The following SMYD3 variants were observed in gnomAD, a reference collection of about 807,000 sequenced individuals.
The protein encoded by SMYD3 is SET and MYND domain containing 3, also known as histone-lysine N-methyltransferase SMYD3.
In SMYD3, 36 loss-of-function variants were observed where a neutral mutation model predicts 57.7. The ratio of observed to expected loss-of-function variants is 0.62; its 90% confidence interval spans 0.48 to 0.82. The LOEUF is 0.82. Ranked by LOEUF, SMYD3 falls within the 40% of genes least tolerant of loss-of-function variation. The pLI is 0.00. For synonymous variants in SMYD3, 211 were observed against 195.0 expected, an observed-to-expected ratio of 1.08 and a Z score of -0.68; for missense variants, 515 against 538.8, an observed-to-expected ratio of 0.96 and a Z score of 0.44.
At chr1:246,487,174 A>C (rs770572291) in intron 1 of SMYD3, among the ~76,000 whole-genome samples, 1 of 149,336 alleles carries the variant, frequency 6.7e-6, no homozygotes, top group Non-Finnish European at 1.5e-5. Context: ...ATGGTTGGGC[A>C]TGGTAGCTCA....
intron 5 of SMYD3, among the ~76,000 whole-genome samples, chr1:246,228,913 AC>A (rs1485507244): frequency 5.3e-5 from 8 of 152,136 alleles, no homozygotes; most frequent in African/African-American, 1.9e-4. Context: ...CTTTGGGATG[AC>A]AAAACTAAAA....
chr1:246,274,446 T>A (rs1167742135), intron 5 of SMYD3, among the ~76,000 whole-genome samples: 2 of 152,248 alleles, frequency 1.3e-5, no homozygotes, highest in African/African-American at 4.8e-5. Context: ...CAGTGTTTTA[T>A]CTGGGGCTCT....
intron 5 of SMYD3, among the ~76,000 whole-genome samples, chr1:246,030,994 C>T (rs1422532529): frequency 6.6e-6 from 1 of 152,094 alleles, no homozygotes; most frequent in African/African-American, 2.4e-5. Flanking sequence ...AGGGAGAGGA[C>T]AGGGCTGCTT....
At chr1:246,390,622 TA>T in intron 1 of SMYD3, among the ~76,000 whole-genome samples, 1 of 152,362 alleles carries the variant, frequency 6.6e-6, no homozygotes, top group African/African-American at 2.4e-5. Context: ...TAAAGGTTTT[TA>T]AAACATGAAA....
At chr1:246,487,647 C>G (rs111605121) in intron 1 of SMYD3, among the ~76,000 whole-genome samples, 2,444 of 151,528 alleles carry the variant, frequency 0.016, 30 homozygotes, top group Non-Finnish European at 0.024. Context: ...CAATTTCACC[C>G]TACTGCAGAA....
intron 5 of SMYD3, among the ~76,000 whole-genome samples, chr1:246,247,897 C>T (rs1392797610): frequency 1.3e-5 from 2 of 152,114 alleles, no homozygotes; most frequent in Non-Finnish European, 2.9e-5. Flanking sequence ...GATTAGCGAG[C>T]GGTTATGAGC....
At chr1:246,123,821 CCT>C (rs1480919539) in intron 5 of SMYD3, among the ~76,000 whole-genome samples, 2 of 151,824 alleles carry the variant, frequency 1.3e-5, no homozygotes, top group Admixed American at 1.3e-4. Context: ...TTTTTTTTCC[CCT>C]GAGAAATGCA....
At chr1:246,331,489 T>C (rs1176832560) in intron 3 of SMYD3, among the ~76,000 whole-genome samples, 2 of 152,200 alleles carry the variant, frequency 1.3e-5, no homozygotes, top group Non-Finnish European at 2.9e-5. Context: ...TCCATCTTTA[T>C]TCCCACAAGA....
At chr1:246,061,228 C>T (rs988834962) in intron 5 of SMYD3, among the ~76,000 whole-genome samples, 1 of 151,858 alleles carries the variant, frequency 6.6e-6, no homozygotes, top group Admixed American at 6.6e-5. Context: ...GTCACACGCA[C>T]ACACACAAAA....
intron 10 of SMYD3, among the ~76,000 whole-genome samples, chr1:245,855,494 T>C (rs4654139): frequency 0.9 from 137,735 of 152,236 alleles, 63,335 homozygotes; most frequent in Non-Finnish European, 0.99. Flanking sequence ...AACTTTTAAA[T>C]AAAATTTATG....
intron 1 of SMYD3, among the ~76,000 whole-genome samples, chr1:246,473,692 T>A (rs1188976314): frequency 2.6e-5 from 4 of 152,222 alleles, no homozygotes; most frequent in Non-Finnish European, 2.9e-5. Flanking sequence ...TGACTTACTG[T>A]TATTACAGTA....
At chr1:245,807,274 C>G (rs1213692614) in intron 10 of SMYD3, among the ~76,000 whole-genome samples, 1 of 151,812 alleles carries the variant, frequency 6.6e-6, no homozygotes, top group Non-Finnish European at 1.5e-5. Context: ...AGCCTCAGGT[C>G]AGCAAAAGGT....
intron 5 of SMYD3, among the ~76,000 whole-genome samples, chr1:245,937,622 C>T (rs576005155): frequency 4.7e-4 from 72 of 152,336 alleles, no homozygotes; most frequent in African/African-American, 1.6e-3. Context: ...TAATTTATTA[C>T]AAGACATCAT....
At chr1:246,311,173 T>C (rs1283996451) in intron 5 of SMYD3, among the ~76,000 whole-genome samples, 1 of 152,178 alleles carries the variant, frequency 6.6e-6, no homozygotes, top group East Asian at 1.9e-4. Flanking sequence ...ATGGAGAAAA[T>C]GCCCTTCCAC....
intron 8 of SMYD3, among the ~76,000 whole-genome samples, chr1:245,910,610 T>C (rs953326753): frequency 2.0e-5 from 3 of 151,888 alleles, no homozygotes; most frequent in African/African-American, 7.2e-5. Context: ...TGAAAGAACG[T>C]AGAAACAAAT....
chr1:245,986,833 G>A lies in SMYD3; in HGVS notation c.532-56896C>T, dbSNP rs557888667. On this transcript the variant is annotated intron_variant, in intron 5 of 11. Coordinates refer to ENST00000490107, the MANE Select transcript of SMYD3 (RefSeq NM_001167740.2). ...CATCAAGCTTCAAGTAGTTAAAATC[G>A]TGCCTTACAAGTATTTTTAAAGAAA... Among the ~76,000 whole-genome samples the A allele has an allele frequency of 5.3e-5, 8 of 152,296 alleles. No individual in the cohort carries two copies. In the East Asian group the frequency reaches 5.8e-4, roughly 11 times the overall value.
At chr1:245,875,752 G>C (rs572890724) in intron 8 of SMYD3, among the ~76,000 whole-genome samples, 7 of 152,228 alleles carry the variant, frequency 4.6e-5, no homozygotes, top group African/African-American at 1.4e-4. Flanking sequence ...ACTCATTGTG[G>C]GCCAAAATTA....
chr1:246,054,315 T>TG (rs1168954396), intron 5 of SMYD3, among the ~76,000 whole-genome samples: 2 of 152,152 alleles, frequency 1.3e-5, no homozygotes, highest in African/African-American at 4.8e-5. Context: ...CATATACTAC[T>TG]GGGGGGAACA....
chr1:246,288,664 G>A (rs1355771942), intron 5 of SMYD3, among the ~76,000 whole-genome samples: 1 of 152,124 alleles, frequency 6.6e-6, no homozygotes, highest in Non-Finnish European at 1.5e-5. Flanking sequence ...AAAGAATTGA[G>A]CATTTATCTG....
Sources: gnomAD v4.1 joint callset for allele counts (sites outside exome capture counted in the v4.1 genomes callset) on GRCh38, gnomAD v4.1.1 for gene constraint, MANE v1.5 for transcripts, NCBI Gene and HGNC (gene_info 2026-07-23, HGNC 2026-07-21) for gene names.